Variants in TANK observed in about 807,000 individuals in gnomAD.
TANK encodes the protein TRAF family member associated NFKB activator.
TANK carries 15 observed loss-of-function variants against 43.6 expected under a neutral mutation model. The ratio of observed to expected loss-of-function variants is 0.34; its 90% CI spans 0.23 to 0.53. TANK has a LOEUF of 0.53. Ranked by LOEUF, TANK falls within the 20% of genes least tolerant of loss-of-function variation. The pLI, the probability that TANK is intolerant of heterozygous loss-of-function variation, is 0.94. For missense variants in TANK, 417 were observed against 498.6 expected (o/e 0.84, Z 1.56); for synonymous variants, 162 against 178.2 (o/e 0.91, Z 0.73).
At chr2:161,182,595 C>G (rs1467689763) in intron 2 of TANK, among the ~76,000 whole-genome samples, 1 of 152,078 alleles carries the variant, frequency 6.6e-6, no homozygotes, top group Non-Finnish European at 1.5e-5. Flanking sequence ...TTGGGGTGCA[C>G]TACCCTCCCA....
At chr2:161,164,278 A>C (rs1043685277) in intron 1 of TANK, among the ~76,000 whole-genome samples, 1 of 152,170 alleles carries the variant, frequency 6.6e-6, no homozygotes, top group Non-Finnish European at 1.5e-5. Flanking sequence ...GTTTTCTAAC[A>C]CCTTATAAGC....
intron 2 of TANK, chr2:161,180,214 T>G (rs961823702): frequency 4.7e-6 from 3 of 644,316 alleles, no homozygotes; most frequent in Admixed American, 6.3e-5. Flanking sequence ...ACTCTTCCAT[T>G]CTTTATAACA....
At chr2:161,156,253 A>C, upstream of TANK, 1 of 985,368 alleles carries the variant, frequency 1.0e-6, no homozygotes, top group Non-Finnish European at 1.2e-6. Context: ...TACTCTAATC[A>C]TTGATTTATT....
At chr2:161,208,950 AG>A (rs1427847394) in intron 4 of TANK, among the ~76,000 whole-genome samples, 1 of 152,220 alleles carries the variant, frequency 6.6e-6, no homozygotes, top group African/African-American at 2.4e-5. Flanking sequence ...ATATTTTAAA[AG>A]CAACACAGGT....
At chr2:161,217,726 G>GT (rs987892907) in intron 4 of TANK, among the ~76,000 whole-genome samples, 16 of 150,194 alleles carry the variant, frequency 1.1e-4, no homozygotes, top group African/African-American at 3.2e-4. Context: ...TAGTTTTTTG[G>GT]TTTTTTTCTG....
At chr2:161,176,274 C>G (rs528322519) in intron 1 of TANK, among the ~76,000 whole-genome samples, 11 of 152,230 alleles carry the variant, frequency 7.2e-5, no homozygotes, top group Middle Eastern at 3.4e-3. Context: ...TGAAATCTGT[C>G]CAGTTTAATT....
At chr2:161,197,684 G>A (rs1403267564) in intron 2 of TANK, among the ~76,000 whole-genome samples, 1 of 152,174 alleles carries the variant, frequency 6.6e-6, no homozygotes, top group Non-Finnish European at 1.5e-5. Flanking sequence ...TGAACACTGT[G>A]TTCTCATATG....
chr2:161,217,727 T>G (rs1476811394), intron 4 of TANK, among the ~76,000 whole-genome samples: 1 of 151,848 alleles, frequency 6.6e-6, no homozygotes, highest in African/African-American at 2.4e-5. Context: ...AGTTTTTTGG[T>G]TTTTTTCTGG....
intron 1 of TANK, chr2:161,161,799 CTG>C (rs1310579169): frequency 1.9e-5 from 3 of 161,186 alleles, no homozygotes; most frequent in African/African-American, 7.2e-5. Flanking sequence ...TCAAAATTAT[CTG>C]TTTCTCATTA....
intron 1 of TANK, among the ~76,000 whole-genome samples, chr2:161,170,054 T>G (rs1184194784): frequency 6.6e-6 from 1 of 152,224 alleles, no homozygotes; most frequent in African/African-American, 2.4e-5. Flanking sequence ...ATTGTCCTTC[T>G]TATCCATGAC....
intron 6 of TANK, among the ~76,000 whole-genome samples, chr2:161,229,120 A>G (rs57588843): frequency 0.041 from 6,197 of 152,346 alleles, 265 homozygotes; most frequent in East Asian, 0.18. Context: ...GTCCAAGCCA[A>G]GATATGAAGG....
intron 1 of TANK, among the ~76,000 whole-genome samples, chr2:161,143,480 A>G (rs1442318242): frequency 6.6e-6 from 1 of 152,154 alleles, no homozygotes; most frequent in South Asian, 2.1e-4. Context: ...TTATTTTGAG[A>G]TATGTTCCAT....
intron 2 of TANK, among the ~76,000 whole-genome samples, chr2:161,183,783 C>G (rs907411606): frequency 6.6e-6 from 1 of 151,890 alleles, no homozygotes; most frequent in Non-Finnish European, 1.5e-5. Context: ...CTCCTAAGTA[C>G]TGGGCCCTTC....
chr2:161,169,642 G>A (rs972281990), intron 1 of TANK, among the ~76,000 whole-genome samples: 30 of 152,186 alleles, frequency 2.0e-4, no homozygotes, highest in African/African-American at 7.2e-4. Flanking sequence ...AATAGGAAGG[G>A]GAAAGCAGAG....
chr2:161,160,421 T>G (rs973922551), upstream of TANK: 1 of 1,240,796 alleles, frequency 8.1e-7, no homozygotes, highest in African/African-American at 1.5e-5. Context: ...AACTTCCGGT[T>G]GGAGTCACTC....
In TANK at chr2:161,231,567, T is replaced by C. The variant is rs772059524; in HGVS notation, c.1101+16T>C. On this transcript the variant is annotated intron_variant, in intron 7 of 7. Transcript: ENST00000392749. The stretch of plus-strand genomic sequence containing the variant: ...ACCACAGCAGGTAACTGTTTTGCAT[T>C]AACAAATATATTATTATGTGTGAAC... The C allele has an allele frequency of 6.3e-7, 1 of 1,598,690 alleles. No individual in the cohort carries two copies. The highest frequency in any genetic ancestry group is 1.1e-5 in the South Asian group (1 of 90,878).
chr2:161,191,344 C>T (rs987931748), intron 2 of TANK, among the ~76,000 whole-genome samples: 3 of 152,190 alleles, frequency 2.0e-5, no homozygotes, highest in African/African-American at 7.2e-5. Context: ...CTCTCCCTCA[C>T]TCCCCAGGGC....
rs545892155 is a variant in TANK at position 161,160,602 on chromosome 2, G to C, written c.-50+116G>C. 8.0e-6 allele frequency: 7 copies of C among 874,206 alleles called. No individual in the cohort carries two copies. In the African/African-American group the frequency reaches 1.0e-4, roughly 13 times the overall value. The allele number at this position is 874,206 out of a possible 1,614,324, so 54.2% of individuals were successfully genotyped here. A position where few individuals can be genotyped will look rare whatever the true frequency, so the allele number is the denominator to read the frequency against. On this transcript the variant is annotated intron_variant, in intron 1 of 7. Coordinates refer to ENST00000392749, the MANE Select transcript of TANK (RefSeq NM_001199135.3). The stretch of plus-strand genomic sequence containing the variant: ...CAGTAGGGGCGCCGCAGGGAGAGAA[G>C]CCGAGGAGCAGCGGAGACAACCAAT...
chr2:161,139,071 T>C (rs1407774443), intron 1 of TANK, among the ~76,000 whole-genome samples: 1 of 152,328 alleles, frequency 6.6e-6, no homozygotes, highest in African/African-American at 2.4e-5. Context: ...TTATCTTTCA[T>C]CTAGCAATTT....
Sources: allele counts gnomAD v4.1 joint callset (sites outside exome capture counted in the v4.1 genomes callset), GRCh38; gene constraint gnomAD v4.1.1; transcripts MANE v1.5; gene names NCBI Gene and HGNC (gene_info 2026-07-23, HGNC 2026-07-21).